The following GRM7 variants were observed in gnomAD, a reference collection of about 807,000 sequenced individuals.
The protein encoded by GRM7 is metabotropic glutamate receptor 7.
A neutral mutation model predicts 84.5 loss-of-function variants in GRM7; 35 were observed. That is an observed-to-expected ratio of 0.41 (90% CI 0.32 to 0.55). GRM7 has a LOEUF of 0.55. GRM7 is among the 20% of genes least tolerant of loss of function. GRM7 has a pLI of 0.19. For missense variants in GRM7, 1,003 were observed against 1,194.6 expected (o/e 0.84, Z 2.36); for synonymous variants, 487 against 455.1 (o/e 1.07, Z -0.89).
intron 1 of GRM7, among the ~76,000 whole-genome samples, chr3:7,027,857 C>A (rs1488812234): frequency 6.6e-6 from 1 of 151,890 alleles, no homozygotes; most frequent in Admixed American, 6.6e-5. Context: ...CATTTGTTTT[C>A]CTTCTGAATC....
At chr3:6,933,502 T>C (rs1697580524) in intron 1 of GRM7, among the ~76,000 whole-genome samples, 2 of 152,190 alleles carry the variant, frequency 1.3e-5, no homozygotes, top group Non-Finnish European at 1.5e-5. Context: ...GAAAAATTTA[T>C]GCAAAGTCAA....
intron 1 of GRM7, among the ~76,000 whole-genome samples, chr3:6,916,343 A>G (rs765754530): frequency 9.2e-5 from 14 of 152,356 alleles, no homozygotes; most frequent in Non-Finnish European, 1.8e-4. Flanking sequence ...GTGAAAGGAG[A>G]ACCAACATTA....
At chr3:7,002,522 G>T (rs1480890481) in intron 1 of GRM7, among the ~76,000 whole-genome samples, 1 of 152,136 alleles carries the variant, frequency 6.6e-6, no homozygotes, top group Non-Finnish European at 1.5e-5. Flanking sequence ...AACACCTGCT[G>T]TATCCTGAGC....
At chr3:7,162,776 T>G (rs1694672836) in intron 2 of GRM7, among the ~76,000 whole-genome samples, 1 of 101,694 alleles carries the variant, frequency 9.8e-6, no homozygotes, top group East Asian at 2.9e-4. Context: ...TTTTTTTTTT[T>G]TGAGATGGAG....
At chr3:6,866,225 T>C (rs1033215661) in intron 1 of GRM7, among the ~76,000 whole-genome samples, 2 of 152,188 alleles carry the variant, frequency 1.3e-5, no homozygotes, top group Non-Finnish European at 2.9e-5. Context: ...ATATCATAGA[T>C]ATAAAAGACC....
chr3:7,610,450 T>G (rs1272746993), intron 8 of GRM7, among the ~76,000 whole-genome samples: 1 of 152,214 alleles, frequency 6.6e-6, no homozygotes, highest in African/African-American at 2.4e-5. Flanking sequence ...AGATAGGATT[T>G]TTTAATTGCT....
chr3:7,594,829 G>A (rs1695962374), intron 8 of GRM7, among the ~76,000 whole-genome samples: 2 of 152,058 alleles, frequency 1.3e-5, no homozygotes, highest in African/African-American at 2.4e-5. Context: ...TATGGCCTAG[G>A]AGAAGCCAGC....
At chr3:6,941,969 C>A (rs776919292) in intron 1 of GRM7, among the ~76,000 whole-genome samples, 5 of 152,124 alleles carry the variant, frequency 3.3e-5, no homozygotes, top group Non-Finnish European at 7.4e-5. Flanking sequence ...ACAACAATTT[C>A]ATTCAGTCTT....
Position 7,579,159 on chromosome 3 carries a change from T to C in GRM7, c.2253T>C (p.Ile751=). ...EQARGVLKCD[I]TDLQIICSLG... ...CCAGAGGGGTTCTCAAGTGTGACAT[T>C]ACAGATCTCCAAATCATTTGCTCCT... The change falls in exon 8 of 10, where the codon ATT becomes ATC. Residue 751 remains isoleucine, a synonymous_variant. Transcript: ENST00000357716. The C allele has an allele frequency of 6.2e-7, 1 of 1,613,892 alleles. No individual in the cohort carries two copies. Among genetic ancestry groups the C allele is most frequent in the East Asian group, 2.2e-5 (1 of 44,876 alleles).
chr3:6,919,858 T>C (rs1353617420), intron 1 of GRM7, among the ~76,000 whole-genome samples: 2 of 152,194 alleles, frequency 1.3e-5, no homozygotes, highest in African/African-American at 4.8e-5. Context: ...AGCTTTTTCA[T>C]ACAGGAATGT....
At chr3:7,222,374 G>T (rs992787141) in intron 2 of GRM7, among the ~76,000 whole-genome samples, 2 of 152,036 alleles carry the variant, frequency 1.3e-5, no homozygotes, top group African/African-American at 4.8e-5. Context: ...ACCGCGAACT[G>T]ACTTTGAGAT....
Position 7,647,768 on chromosome 3 carries a change from G to T in GRM7, c.2452-32281G>T, listed in dbSNP as rs116452523. Reference sequence around the variant, plus strand: ...GACAACAAATGTGCTACAGGCTGGGGTAGGGAGAGGAATGGAGGATGGAAA... The same window carrying T: ...GACAACAAATGTGCTACAGGCTGGGTTAGGGAGAGGAATGGAGGATGGAAA... On this transcript the variant is annotated intron_variant, in intron 8 of 9. Coordinates refer to ENST00000357716, the MANE Select transcript of GRM7 (RefSeq NM_000844.4). Among the ~76,000 whole-genome samples the T allele has an allele frequency of 5.6e-3, 850 of 152,238 alleles. 6 individuals carry two copies. The highest frequency in any genetic ancestry group is 0.02 in the African/African-American group (814 of 41,542).
intron 1 of GRM7, among the ~76,000 whole-genome samples, chr3:7,076,859 T>C (rs1344528772): frequency 2.6e-5 from 4 of 152,060 alleles, no homozygotes; most frequent in Non-Finnish European, 1.5e-5. Context: ...ATCCAGAATC[T>C]ACAAGGAACT....
chr3:6,999,845 G>A lies in GRM7; in HGVS notation c.519+137938G>A, dbSNP rs553930938. On this transcript the variant is annotated intron_variant, in intron 1 of 9. Coordinates refer to ENST00000357716, the MANE Select transcript of GRM7 (RefSeq NM_000844.4). The stretch of plus-strand genomic sequence containing the variant: ...TTACCTCCCATTGGATGCCTCTCAA[G>A]ACAATTGGGGATTATGGGAATTGCA... 3.9e-5 allele frequency among the ~76,000 whole-genome samples: 6 copies of A among 152,274 alleles called. 2 individuals are homozygous for A. The South Asian group carries it at 1.2e-3, about 32-fold the overall frequency.
Position 7,014,477 on chromosome 3 carries a change from G to C in GRM7, c.520-131975G>C, listed in dbSNP as rs190736556. On this transcript the variant is annotated intron_variant, in intron 1 of 9. Transcript: ENST00000357716. ...TGCCTCAGCCTCAAAGAGTAGCTGGGATTACAGAGGTGCACCACCACGCCC... is the reference window on the plus strand; with the variant it reads ...TGCCTCAGCCTCAAAGAGTAGCTGGCATTACAGAGGTGCACCACCACGCCC... 6.2e-4 allele frequency among the ~76,000 whole-genome samples: 95 copies of C among 152,156 alleles called. 1 individual carries two copies. In the East Asian group the frequency reaches 0.017, roughly 27 times the overall value.
intron 1 of GRM7, among the ~76,000 whole-genome samples, chr3:6,939,851 T>A (rs1446892464): frequency 6.6e-6 from 1 of 152,216 alleles, no homozygotes; most frequent in African/African-American, 2.4e-5. Flanking sequence ...CTGTGAGTGT[T>A]AACATGTTAC....
chr3:7,108,684 T>C (rs897613496), intron 1 of GRM7, among the ~76,000 whole-genome samples: 4 of 152,090 alleles, frequency 2.6e-5, no homozygotes, highest in African/African-American at 9.7e-5. Context: ...TAGAGGCCAC[T>C]GGTTGCTGAC....
At chr3:7,662,705 G>A (rs1350987984) in intron 8 of GRM7, among the ~76,000 whole-genome samples, 4 of 152,156 alleles carry the variant, frequency 2.6e-5, no homozygotes, top group African/African-American at 4.8e-5. Flanking sequence ...AGCAAAAAGC[G>A]TAAAGAGAAA....
chr3:7,595,400 G>C (rs1462687123), intron 8 of GRM7, among the ~76,000 whole-genome samples: 1 of 152,172 alleles, frequency 6.6e-6, no homozygotes, highest in African/African-American at 2.4e-5. Context: ...GGATCTGCTA[G>C]ATACTTTCCT....
Sources: gnomAD v4.1 joint callset for allele counts (sites outside exome capture counted in the v4.1 genomes callset) on GRCh38, gnomAD v4.1.1 for gene constraint, MANE v1.5 for transcripts, NCBI Gene and HGNC (gene_info 2026-07-23, HGNC 2026-07-21) for gene names.